Variants in GTF2H5 observed in about 807,000 individuals in gnomAD.
GTF2H5 encodes TFB5 ortholog.
In GTF2H5, 5 loss-of-function variants were observed where a neutral mutation model predicts 7.1. The observed-to-expected ratio is 0.71, with a 90% CI of 0.37 to 1.49. The LOEUF (loss-of-function observed/expected upper bound fraction) is 1.49. GTF2H5 is among the 40% of genes most tolerant of loss of function. The probability of loss-of-function intolerance (pLI) is 0.03; values close to 1 mark genes in which losing one functional copy is unlikely to be tolerated. For missense variants in GTF2H5, 80 were observed against 83.0 expected (o/e 0.96, Z 0.14); for synonymous variants, 30 against 31.7 (o/e 0.95, Z 0.18).
At chr6:158,190,490 C>T (rs1227732183) in intron 2 of GTF2H5, 1 of 296,798 alleles carries the variant, frequency 3.4e-6, no homozygotes, top group African/African-American at 2.2e-5. Context: ...TCTGCCACTC[C>T]CAGTCTTTTC....
At chr6:158,171,013 GCT>G (rs1259060473) in intron 2 of GTF2H5, among the ~76,000 whole-genome samples, 10 of 152,202 alleles carry the variant, frequency 6.6e-5, no homozygotes, top group Non-Finnish European at 1.5e-4. Context: ...CGGGAACCCT[GCT>G]CTGTGGACAC....
Position 158,192,344 on chromosome 6 carries a change from A to T in GTF2H5, c.*187A>T. On this transcript the variant is annotated 3_prime_UTR_variant, in exon 3 of 3. Coordinates refer to ENST00000607778, the MANE Select transcript of GTF2H5 (RefSeq NM_207118.3). ...ACTGATTTTGTTACCATAGAATTTA[A>T]AAAAAAAAAAAGCTTTAACAGTTGG... 1.3e-5 allele frequency: 4 copies of T among 309,794 alleles called. No individual in the cohort carries two copies. Among genetic ancestry groups the T allele is most frequent in the Admixed American group, 9.0e-5 (1 of 11,170 alleles). 19.2% of individuals were successfully genotyped at this position (309,794 alleles called of 1,614,324 possible).
chr6:158,182,017 T>A (rs1370352475), intron 2 of GTF2H5, among the ~76,000 whole-genome samples: 1 of 152,228 alleles, frequency 6.6e-6, no homozygotes, highest in African/African-American at 2.4e-5. Context: ...TGGTACCGGT[T>A]GTTCCTTTCC....
Position 158,193,756 on chromosome 6 carries a change from A to G in GTF2H5, c.*1599A>G. 6.6e-6 allele frequency: 1 copy of G among 152,304 alleles called. No individual in the cohort carries two copies. Among genetic ancestry groups the G allele is most frequent in the Non-Finnish European group, 1.5e-5 (1 of 68,048 alleles). 9.4% of individuals were successfully genotyped at this position (152,304 alleles called of 1,614,324 possible). The stretch of plus-strand genomic sequence containing the variant: ...ACGCCTGTAATCCCAGCACTTTGGG[A>G]GGCTGAGGCAGGCAGCTCACGAGGT... On this transcript the variant is annotated 3_prime_UTR_variant, in exon 3 of 3. Transcript: ENST00000607778.
At chr6:158,176,717 C>T (rs1012532888) in intron 2 of GTF2H5, among the ~76,000 whole-genome samples, 5 of 152,130 alleles carry the variant, frequency 3.3e-5, no homozygotes, top group Non-Finnish European at 7.3e-5. Flanking sequence ...AATCAGGGGT[C>T]TCACAGCCTT....
chr6:158,190,802 A>G (rs1316300793), intron 2 of GTF2H5: 4 of 384,564 alleles, frequency 1.0e-5, no homozygotes, highest in Admixed American at 7.2e-5. Flanking sequence ...AAGAATTGCA[A>G]AAATCTGTGG....
chr6:158,169,441 A>G (rs1426919965), intron 1 of GTF2H5, among the ~76,000 whole-genome samples: 1 of 64,604 alleles, frequency 1.5e-5, no homozygotes, highest in Non-Finnish European at 2.5e-5. Context: ...TGTATATTAT[A>G]TATATTATAT....
In GTF2H5 at chr6:158,199,152, A is replaced by G. The variant is rs1311561784; in HGVS notation, c.*6995A>G. 1 of 152,096 alleles carries G rather than the reference A, an allele frequency of 6.6e-6. No individual in the cohort carries two copies. The highest frequency in any genetic ancestry group is 1.5e-5 in the Non-Finnish European group (1 of 68,046). The allele number at this position is 152,096 out of a possible 1,614,324, so 9.4% of individuals were successfully genotyped here. A position where few individuals can be genotyped will look rare whatever the true frequency, so the allele number is the denominator to read the frequency against. The stretch of plus-strand genomic sequence containing the variant: ...TGAAAACCTGTTTCTGCTGCTCCCA[A>G]CATGATTTAATCTTGGCTACTGAGC... On this transcript the variant is annotated 3_prime_UTR_variant, in exon 3 of 3. Coordinates refer to ENST00000607778, the MANE Select transcript of GTF2H5 (RefSeq NM_207118.3).
At chr6:158,181,584 G>A (rs774761112) in intron 2 of GTF2H5, among the ~76,000 whole-genome samples, 2 of 152,160 alleles carry the variant, frequency 1.3e-5, no homozygotes, top group Non-Finnish European at 2.9e-5. Flanking sequence ...GTTTAGGTTA[G>A]TTAGCTCTTC....
At chr6:158,172,182 G>C (rs1785866410) in intron 2 of GTF2H5, among the ~76,000 whole-genome samples, 1 of 151,902 alleles carries the variant, frequency 6.6e-6, no homozygotes, top group Admixed American at 6.6e-5. Flanking sequence ...TTTATTGGGA[G>C]GAGTGGCATA....
chr6:158,182,412 A>G (rs559804870), intron 2 of GTF2H5, among the ~76,000 whole-genome samples: 4 of 152,226 alleles, frequency 2.6e-5, no homozygotes, highest in East Asian at 1.9e-4. Context: ...CCGAATTTCA[A>G]TGTTGGCCTG....
At chr6:158,174,450 A>C (rs553167573) in intron 2 of GTF2H5, among the ~76,000 whole-genome samples, 140 of 152,314 alleles carry the variant, frequency 9.2e-4, no homozygotes, top group African/African-American at 3.3e-3. Context: ...CTTGGATATA[A>C]TCTTAACTCC....
At chr6:158,191,721 A>G (rs113836444) in intron 2 of GTF2H5, among the ~76,000 whole-genome samples, 102 of 152,282 alleles carry the variant, frequency 6.7e-4, no homozygotes, top group African/African-American at 2.3e-3. Flanking sequence ...TGACCTGGTG[A>G]TCCACCCACC....
chr6:158,170,808 GA>G (rs1188978581), intron 2 of GTF2H5, among the ~76,000 whole-genome samples: 4 of 152,152 alleles, frequency 2.6e-5, no homozygotes, highest in African/African-American at 9.7e-5. Flanking sequence ...CAAACATGAT[GA>G]ATTTTAGGGC....
rs1025209588 is a variant in GTF2H5 at position 158,198,403 on chromosome 6, A to G, written c.*6246A>G. Reference sequence around the variant, plus strand: ...ACTAGGCTATTTTTTCACTGTCCTCAGACATTTACTGAGTCCAGTTTGGAC... The same window carrying G: ...ACTAGGCTATTTTTTCACTGTCCTCGGACATTTACTGAGTCCAGTTTGGAC... On this transcript the variant is annotated 3_prime_UTR_variant, in exon 3 of 3. Coordinates refer to ENST00000607778, the MANE Select transcript of GTF2H5 (RefSeq NM_207118.3). 3 of 152,214 alleles carry G rather than the reference A, an allele frequency of 2.0e-5. No homozygotes were observed. Among genetic ancestry groups the G allele is most frequent in the Non-Finnish European group, 4.4e-5 (3 of 68,042 alleles). The allele number at this position is 152,214 out of a possible 1,614,324, so 9.4% of individuals were successfully genotyped here. A position where few individuals can be genotyped will look rare whatever the true frequency, so the allele number is the denominator to read the frequency against.
intron 1 of GTF2H5, among the ~76,000 whole-genome samples, chr6:158,169,622 A>AATATATTGTATATTAC (rs1236314284): frequency 1.2e-5 from 1 of 85,894 alleles, no homozygotes; most frequent in Non-Finnish European, 1.9e-5. Context: ...TATTACATAT[A>AATATATTGTATATTAC]ATATATTGTA....
intron 1 of GTF2H5, among the ~76,000 whole-genome samples, chr6:158,169,787 A>ATATATTG (rs1554267200): frequency 4.7e-5 from 5 of 105,924 alleles, no homozygotes; most frequent in African/African-American, 2.3e-4. Context: ...ATTGTATATT[A>ATATATTG]TATATTATAT....
chr6:158,174,908 G>A (rs1428478856), intron 2 of GTF2H5, among the ~76,000 whole-genome samples: 1 of 151,928 alleles, frequency 6.6e-6, no homozygotes, highest in South Asian at 2.1e-4. Context: ...TCTAACCATT[G>A]TTCTGTTTTT....
Position 158,169,766 on chromosome 6 carries a change from A to ATATATTATATAATATATTGTATAT in GTF2H5, c.-34-699_-34-698insTATATAATATATTGTATATTATAT, listed in dbSNP as rs1361858640. On this transcript the variant is annotated intron_variant, in intron 1 of 2. Transcript: ENST00000607778. Reference sequence around the variant, plus strand: ...TATATTATATAATATATTGTATATTATATATAATATATTGTATATTATATA... The same window carrying ATATATTATATAATATATTGTATAT: ...TATATTATATAATATATTGTATATTATATATTATATAATATATTGTATATTATATAATATATTGTATATTATATA... Among the ~76,000 whole-genome samples, 3 of 57,002 alleles carry ATATATTATATAATATATTGTATAT rather than the reference A, an allele frequency of 5.3e-5. 1 individual carries two copies. Among genetic ancestry groups the ATATATTATATAATATATTGTATAT allele is most frequent in the East Asian group, 2.6e-3 (2 of 774 alleles). The allele number at this position is 57,002 out of a possible 152,430, so 37.4% of individuals were successfully genotyped here.
Sources: allele counts gnomAD v4.1 joint callset (sites outside exome capture counted in the v4.1 genomes callset), GRCh38; gene constraint gnomAD v4.1.1; transcripts MANE v1.5; gene names NCBI Gene and HGNC (gene_info 2026-07-23, HGNC 2026-07-21).